The following NCK2 variants were observed in gnomAD, a reference collection of about 807,000 sequenced individuals.
The protein encoded by NCK2 is NCK adaptor protein 2, also known as cytoplasmic protein NCK2.
Under a neutral mutation model 33.9 loss-of-function variants are expected in NCK2, and 16 were observed. The ratio of observed to expected loss-of-function variants is 0.47; its 90% CI spans 0.32 to 0.72. The LOEUF (loss-of-function observed/expected upper bound fraction) is 0.72. NCK2 is among the 30% of genes least tolerant of loss of function. The pLI, the probability that NCK2 is intolerant of heterozygous loss-of-function variation, is 0.03. For missense variants in NCK2, 418 were observed against 537.3 expected, an observed-to-expected ratio of 0.78 and a Z score of 2.19; for synonymous variants, 273 against 239.9, an observed-to-expected ratio of 1.14 and a Z score of -1.27.
chr2:105,769,152 G>A (rs181395997), intron 1 of NCK2, among the ~76,000 whole-genome samples: 37 of 152,220 alleles, frequency 2.4e-4, no homozygotes, highest in Non-Finnish European at 3.1e-4. Flanking sequence ...ATCACTAAGG[G>A]CACTCTTGTT....
chr2:105,861,557 T>C (rs953326387), intron 3 of NCK2, among the ~76,000 whole-genome samples: 4 of 145,064 alleles, frequency 2.8e-5, no homozygotes, highest in African/African-American at 5.1e-5. Flanking sequence ...CTCTGTCACC[T>C]AGGCTGGAGT....
At chr2:105,785,754 A>T (rs1362333998) in intron 1 of NCK2, among the ~76,000 whole-genome samples, 5 of 152,206 alleles carry the variant, frequency 3.3e-5, no homozygotes, top group Non-Finnish European at 7.3e-5. Flanking sequence ...GGAGAACCTG[A>T]TCACACCCAA....
In NCK2 at chr2:105,885,777, A is replaced by C. The variant is rs55909865; in HGVS notation, c.948+3728A>C. On this transcript the variant is annotated intron_variant, in intron 4 of 4. Transcript: ENST00000233154. The stretch of plus-strand genomic sequence containing the variant: ...CTGTTATTAAAACCATTTCTGCATA[A>C]TACTACATTTCCATGAATTATAAAA... Among the ~76,000 whole-genome samples, 787 of 152,364 alleles carry C rather than the reference A, an allele frequency of 5.2e-3. 5 individuals carry two copies. Among genetic ancestry groups the C allele is most frequent in the Non-Finnish European group, 9.2e-3 (624 of 68,038 alleles).
intron 2 of NCK2, among the ~76,000 whole-genome samples, chr2:105,851,288 G>T (rs1359052275): frequency 6.6e-6 from 1 of 150,864 alleles, no homozygotes; most frequent in African/African-American, 2.4e-5. Context: ...TTCTGAGACG[G>T]AGTCTCGCTC....
At chr2:105,788,914 A>C (rs1177092056) in intron 1 of NCK2, among the ~76,000 whole-genome samples, 1 of 152,226 alleles carries the variant, frequency 6.6e-6, no homozygotes, top group Non-Finnish European at 1.5e-5. Context: ...TGGGTTTCTA[A>C]AAATGTATTC....
At chr2:105,831,550 T>G (rs2104523505) in intron 2 of NCK2, among the ~76,000 whole-genome samples, 1 of 152,248 alleles carries the variant, frequency 6.6e-6, no homozygotes, top group African/African-American at 2.4e-5. Context: ...CTTTAATCAA[T>G]TTTGAGTAAA....
intron 2 of NCK2, among the ~76,000 whole-genome samples, chr2:105,842,805 C>A (rs1403861310): frequency 6.8e-6 from 1 of 147,938 alleles, no homozygotes; most frequent in Non-Finnish European, 1.5e-5. Context: ...CAGCCCGTGG[C>A]AGGAGAGGGC....
At chr2:105,804,712 G>A (rs1376765299) in intron 1 of NCK2, among the ~76,000 whole-genome samples, 1 of 152,198 alleles carries the variant, frequency 6.6e-6, no homozygotes, top group African/African-American at 2.4e-5. Context: ...AAATACTCAA[G>A]AAAACTAAAC....
chr2:105,842,575 C>T (rs1245943529), intron 2 of NCK2, among the ~76,000 whole-genome samples: 2 of 152,008 alleles, frequency 1.3e-5, no homozygotes, highest in Non-Finnish European at 2.9e-5. Flanking sequence ...TCCCCTTGGT[C>T]CTTTTGGCAG....
In NCK2 at chr2:105,855,193, G is replaced by C. The variant is rs902978534; in HGVS notation, c.130G>C (p.Ala44Pro). ...CAAGACGTGGTGGCGGGTGAGGAAC[G>C]CGGCCAACAGGACGGGCTATGTACC... ...DSKTWWRVRN[A>P]ANRTGYVPSN... Residue 44 changes from alanine to proline, a missense_variant, in exon 3 of 5, where the codon GCG becomes CCG. By Grantham distance (27) the Ala-to-Pro change is conservative. Transcript: ENST00000233154. 1 of 1,614,128 alleles carries C rather than the reference G, an allele frequency of 6.2e-7. No individual in the cohort carries two copies. The highest frequency in any genetic ancestry group is 8.5e-7 in the Non-Finnish European group (1 of 1,180,020).
At chr2:105,761,315 C>CT (rs1422915305) in intron 1 of NCK2, among the ~76,000 whole-genome samples, 1 of 152,172 alleles carries the variant, frequency 6.6e-6, no homozygotes, top group African/African-American at 2.4e-5. Flanking sequence ...TCCAGAGAAT[C>CT]TTTTTTTGGG....
At chr2:105,820,762 G>C (rs977482660) in intron 2 of NCK2, among the ~76,000 whole-genome samples, 5 of 152,224 alleles carry the variant, frequency 3.3e-5, no homozygotes, top group African/African-American at 1.2e-4. Context: ...CTATGCTGCA[G>C]ATTCGTTTGA....
At chr2:105,774,571 A>G (rs776196468) in intron 1 of NCK2, among the ~76,000 whole-genome samples, 1 of 152,046 alleles carries the variant, frequency 6.6e-6, no homozygotes, top group South Asian at 2.1e-4. Context: ...GATCGTCTCA[A>G]TTTGGGCAGG....
At chr2:105,744,723 GC>G (rs1453928111), upstream of NCK2, among the ~76,000 whole-genome samples, 4 of 150,966 alleles carry the variant, frequency 2.6e-5, no homozygotes, top group Non-Finnish European at 5.9e-5. Context: ...ACGACGGGGG[GC>G]GCCCCAGGTG....
intron 2 of NCK2, among the ~76,000 whole-genome samples, chr2:105,835,041 G>A (rs1217910189): frequency 6.6e-6 from 1 of 151,788 alleles, no homozygotes; most frequent in Non-Finnish European, 1.5e-5. Flanking sequence ...AGTATTTTCT[G>A]GTTGCTTTGT....
chr2:105,773,497 T>C (rs1242356827), intron 1 of NCK2, among the ~76,000 whole-genome samples: 1 of 152,068 alleles, frequency 6.6e-6, no homozygotes, highest in Non-Finnish European at 1.5e-5. Context: ...GGCAGGTAAC[T>C]TCAGTGTCAT....
intron 1 of NCK2, among the ~76,000 whole-genome samples, chr2:105,798,554 A>G (rs757321580): frequency 6.6e-6 from 1 of 152,244 alleles, no homozygotes; most frequent in Non-Finnish European, 1.5e-5. Context: ...TCTGATTCAT[A>G]TAATCAGATA....
chr2:105,808,278 A>G (rs993646871), intron 1 of NCK2, among the ~76,000 whole-genome samples: 4 of 152,192 alleles, frequency 2.6e-5, no homozygotes, highest in Admixed American at 6.5e-5. Context: ...TTAAATTTTC[A>G]TATACCTTAT....
intron 4 of NCK2, among the ~76,000 whole-genome samples, chr2:105,884,164 G>A (rs192513981): frequency 5.3e-5 from 8 of 152,312 alleles, no homozygotes; most frequent in South Asian, 2.1e-4. Context: ...TAACCAAGGC[G>A]TTCTCAGCTG....
Sources: gnomAD v4.1 joint callset for allele counts (sites outside exome capture counted in the v4.1 genomes callset) on GRCh38, gnomAD v4.1.1 for gene constraint, MANE v1.5 for transcripts, NCBI Gene and HGNC (gene_info 2026-07-23, HGNC 2026-07-21) for gene names.